Variants in SPINK9 observed in about 807,000 individuals in gnomAD.
SPINK9 encodes the protein serine peptidase inhibitor Kazal type 9, also known as serine protease inhibitor Kazal-type 9.
Under a neutral mutation model 10.8 loss-of-function variants are expected in SPINK9, and 3 were observed. The ratio of observed to expected loss-of-function variants is 0.28; its 90% CI spans 0.13 to 0.72. The LOEUF is 0.72. Among genes scored for constraint, SPINK9 ranks in the 30% least tolerant of loss-of-function variants. The pLI is 0.74. For synonymous variants in SPINK9, 30 were observed against 31.2 expected, an observed-to-expected ratio of 0.96 and a Z score of 0.12; for missense variants, 101 against 103.2, an observed-to-expected ratio of 0.98 and a Z score of 0.09.
chr5:148,325,435 C>T (rs1045727647), intron 2 of SPINK9, among the ~76,000 whole-genome samples: 1 of 152,094 alleles, frequency 6.6e-6, no homozygotes, highest in Non-Finnish European at 1.5e-5. Context: ...TTCACCAACA[C>T]GTCACCTGTC....
upstream of SPINK9, among the ~76,000 whole-genome samples, chr5:148,333,781 A>T (rs1757180475): frequency 6.6e-6 from 1 of 152,090 alleles, no homozygotes; most frequent in Non-Finnish European, 1.5e-5. Flanking sequence ...TACTCTTATG[A>T]CCTTGAAAAA....
chr5:148,327,196 T>C (rs1757074848), intron 2 of SPINK9, among the ~76,000 whole-genome samples: 2 of 152,252 alleles, frequency 1.3e-5, no homozygotes, highest in African/African-American at 2.4e-5. Flanking sequence ...TTTTCAATGA[T>C]CGCCATTCTA....
upstream of SPINK9, among the ~76,000 whole-genome samples, chr5:148,334,516 G>C (rs1224246377): frequency 6.6e-6 from 1 of 152,148 alleles, no homozygotes; most frequent in Non-Finnish European, 1.5e-5. Context: ...TTCAAGACCA[G>C]CCTGGCCAAT....
upstream of SPINK9, among the ~76,000 whole-genome samples, chr5:148,331,053 C>T (rs770226967): frequency 2.1e-4 from 32 of 152,210 alleles, no homozygotes; most frequent in African/African-American, 3.1e-4. Flanking sequence ...GGTGATGCCT[C>T]GCCCTGCTTC....
chr5:148,331,883 G>T (rs1757156314), upstream of SPINK9, among the ~76,000 whole-genome samples: 1 of 152,070 alleles, frequency 6.6e-6, no homozygotes, highest in Admixed American at 6.6e-5. Context: ...TTTTAATATT[G>T]GAAAATGTGA....
At chr5:148,333,150 G>A (rs2113419972), upstream of SPINK9, among the ~76,000 whole-genome samples, 1 of 152,286 alleles carries the variant, frequency 6.6e-6, no homozygotes, top group East Asian at 1.9e-4. Flanking sequence ...AGGGGTCATT[G>A]TGGAAAGAGG....
chr5:148,336,478 T>C (rs778554987), intron 2 of SPINK9, 25 bp downstream of exon 2: 13 of 1,610,274 alleles, frequency 8.1e-6, no homozygotes, highest in Admixed American at 1.7e-5. Context: ...CCTACTTTTA[T>C]GTAATTTTAA....
chr5:148,331,012 A>C (rs927090330), upstream of SPINK9, among the ~76,000 whole-genome samples: 5 of 152,188 alleles, frequency 3.3e-5, no homozygotes, highest in African/African-American at 1.2e-4. Context: ...TAGGAAAGGG[A>C]ATTCCCTGAC....
intron 1 of SPINK9, 135 bp downstream of exon 1, chr5:148,335,803 C>A: frequency 9.9e-7 from 1 of 1,013,364 alleles, no homozygotes; most frequent in Non-Finnish European, 1.5e-6. Context: ...TCTTTTGCCT[C>A]AACCAACGAA....
At chr5:148,326,096 A>G (rs892811297) in intron 2 of SPINK9, among the ~76,000 whole-genome samples, 2 of 152,184 alleles carry the variant, frequency 1.3e-5, no homozygotes, top group African/African-American at 4.8e-5. Flanking sequence ...ACCTGAATAA[A>G]CATTTCTTGA....
At chr5:148,328,671 C>T (rs868736474) in intron 2 of SPINK9, among the ~76,000 whole-genome samples, 5 of 152,108 alleles carry the variant, frequency 3.3e-5, no homozygotes, top group Non-Finnish European at 4.4e-5. Context: ...TTTTGAAATA[C>T]GTCCCATCAA....
upstream of SPINK9, among the ~76,000 whole-genome samples, chr5:148,334,711 CA>C (rs573443240): frequency 4.1e-4 from 57 of 138,396 alleles, no homozygotes; most frequent in East Asian, 6.2e-4. Flanking sequence ...ACTCTGTCTC[CA>C]AAAAAAAAAA....
Position 148,338,482 on chromosome 5 carries a change from A to C in SPINK9, c.92A>C (p.Asp31Ala). ...ECAKQTKQMV[D>A]CSHYKKLPPG... ...GTTTTTAATATGTTTTTTCAGGTTGACTGCAGTCATTATAAAAAGTTACCA... is the reference window on the plus strand; with the variant it reads ...GTTTTTAATATGTTTTTTCAGGTTGCCTGCAGTCATTATAAAAAGTTACCA... The change falls in exon 3 of 4, where the codon GAC becomes GCC. Residue 31 changes from aspartate to alanine, a missense_variant. By Grantham distance (126) the Asp-to-Ala change is moderately radical. Transcript: ENST00000377906. 6.3e-7 allele frequency: 1 copy of C among 1,597,606 alleles called. No individual in the cohort carries two copies. The highest frequency in any genetic ancestry group is 8.5e-7 in the Non-Finnish European group (1 of 1,174,788).
At chr5:148,338,406 C>G in intron 2 of SPINK9, 72 bp from the exon 3 acceptor site, 1 of 1,469,172 alleles carries the variant, frequency 6.8e-7, no homozygotes, top group Non-Finnish European at 9.2e-7. Context: ...TCTGAGCTTG[C>G]TTGAAAAATC....
intron 2 of SPINK9, among the ~76,000 whole-genome samples, chr5:148,328,994 G>C (rs1168397466): frequency 6.6e-6 from 1 of 152,154 alleles, no homozygotes; most frequent in African/African-American, 2.4e-5. Flanking sequence ...CCAGGCTTTG[G>C]TGTCAGGATG....
At chr5:148,323,739 A>G (rs1199152326) in exon 2 of SPINK9, 1 of 694,644 alleles carries the variant, frequency 1.4e-6, no homozygotes, top group Non-Finnish European at 2.6e-6. Context: ...ATCAATCAGC[A>G]TTTGCATCTT....
upstream of SPINK9, among the ~76,000 whole-genome samples, chr5:148,331,896 T>G (rs1284238064): frequency 6.6e-6 from 1 of 152,200 alleles, no homozygotes; most frequent in Non-Finnish European, 1.5e-5. Context: ...AAATGTGAGT[T>G]TCTTTCTCAG....
chr5:148,338,742 T>C, intron 3 of SPINK9, 137 bp downstream of exon 3: 1 of 591,510 alleles, frequency 1.7e-6, no homozygotes. Flanking sequence ...TTCCAGTTGG[T>C]AGAATTTGGG....
intron 1 of SPINK9, among the ~76,000 whole-genome samples, chr5:148,323,264 C>G (rs1757019640): frequency 6.6e-6 from 1 of 151,990 alleles, no homozygotes; most frequent in Non-Finnish European, 1.5e-5. Context: ...ACAAAGTTAA[C>G]AAGCAGAATT....
Sources: gnomAD v4.1 joint callset for allele counts (sites outside exome capture counted in the v4.1 genomes callset) on GRCh38, gnomAD v4.1.1 for gene constraint, MANE v1.5 for transcripts, NCBI Gene and HGNC (gene_info 2026-07-23, HGNC 2026-07-21) for gene names.